Variants in PACRG observed in about 807,000 individuals in gnomAD.
PACRG encodes parkin coregulated gene protein.
PACRG carries 29 observed loss-of-function variants against 29.7 expected under a neutral mutation model. The observed-to-expected ratio is 0.98, with a 90% CI of 0.73 to 1.33. The LOEUF is 1.33. Among genes scored for constraint, PACRG ranks in the 40% most tolerant of loss-of-function variants. PACRG has a pLI of 0.00. For missense variants in PACRG, 279 were observed against 316.2 expected (o/e 0.88, Z 0.89); for synonymous variants, 116 against 118.7 (o/e 0.98, Z 0.15).
intron 2 of PACRG, among the ~76,000 whole-genome samples, chr6:162,848,104 G>A (rs1440261055): frequency 2.0e-5 from 3 of 152,148 alleles, no homozygotes; most frequent in African/African-American, 7.2e-5. Context: ...AGTTATCACC[G>A]AGCTGGAGGC....
chr6:163,189,532 G>T (rs1158023187), intron 4 of PACRG: 1 of 152,202 alleles, frequency 6.6e-6, no homozygotes, highest in African/African-American at 2.4e-5. Context: ...GAATGGCATT[G>T]CCAATTATTC....
At chr6:163,216,354 G>A (rs1460112332) in intron 4 of PACRG, among the ~76,000 whole-genome samples, 2 of 152,122 alleles carry the variant, frequency 1.3e-5, no homozygotes, top group Non-Finnish European at 2.9e-5. Flanking sequence ...CAAGGTGGAG[G>A]AACTTAGACA....
intron 2 of PACRG, among the ~76,000 whole-genome samples, chr6:163,029,079 A>G (rs1422988671): frequency 6.6e-6 from 1 of 152,180 alleles, no homozygotes; most frequent in Non-Finnish European, 1.5e-5. Flanking sequence ...TCTCAGTTAG[A>G]GAGAGGAGAT....
intron 2 of PACRG, among the ~76,000 whole-genome samples, chr6:162,959,687 G>T (rs1306371419): frequency 6.6e-6 from 1 of 152,176 alleles, no homozygotes; most frequent in Non-Finnish European, 1.5e-5. Flanking sequence ...AGGAGCAAGT[G>T]TAGGAAAAAG....
At chr6:162,789,869 G>A (rs1219537751) in intron 1 of PACRG, among the ~76,000 whole-genome samples, 2 of 152,154 alleles carry the variant, frequency 1.3e-5, no homozygotes, top group Non-Finnish European at 2.9e-5. Context: ...TCAAAGTATT[G>A]TAGTAGATCT....
intron 4 of PACRG, among the ~76,000 whole-genome samples, chr6:163,097,665 G>A (rs571748528): frequency 1.3e-4 from 20 of 152,260 alleles, no homozygotes; most frequent in East Asian, 1.9e-4. Context: ...TCAGAAGGGC[G>A]GTGGTTTACA....
intron 4 of PACRG, among the ~76,000 whole-genome samples, chr6:163,124,006 G>A (rs1311496062): frequency 6.6e-6 from 1 of 152,200 alleles, no homozygotes; most frequent in African/African-American, 2.4e-5. Flanking sequence ...ATACCCAGCA[G>A]TAAGATTGCC....
intron 1 of PACRG, among the ~76,000 whole-genome samples, chr6:162,736,711 A>C (rs1780193123): frequency 6.6e-6 from 1 of 151,922 alleles, no homozygotes; most frequent in Non-Finnish European, 1.5e-5. Flanking sequence ...CATGTTAAAA[A>C]TTATTTAGAT....
chr6:162,947,331 A>T (rs1799114381), intron 2 of PACRG, among the ~76,000 whole-genome samples: 1 of 33,248 alleles, frequency 3.0e-5, no homozygotes, highest in African/African-American at 8.1e-5. Flanking sequence ...AATACATATA[A>T]TCATATATAT....
chr6:162,784,361 G>A (rs1413425232), intron 1 of PACRG, among the ~76,000 whole-genome samples: 3 of 152,050 alleles, frequency 2.0e-5, no homozygotes, highest in Admixed American at 2.0e-4. Flanking sequence ...TTAATTTCTC[G>A]ATCTCCCTTG....
At chr6:162,930,857 G>A (rs1302770756) in intron 2 of PACRG, among the ~76,000 whole-genome samples, 2 of 151,706 alleles carry the variant, frequency 1.3e-5, no homozygotes, top group Admixed American at 1.3e-4. Context: ...TCTTGGTACT[G>A]TTAATATGAT....
At chr6:163,259,939 C>T (rs1282621508) in intron 4 of PACRG, among the ~76,000 whole-genome samples, 1 of 152,188 alleles carries the variant, frequency 6.6e-6, no homozygotes, top group Non-Finnish European at 1.5e-5. Context: ...CTGCTTCAGG[C>T]TAAGGTCCGG....
chr6:163,200,164 C>T (rs1371280620), intron 4 of PACRG, among the ~76,000 whole-genome samples: 1 of 152,040 alleles, frequency 6.6e-6, no homozygotes, highest in Non-Finnish European at 1.5e-5. Context: ...TCTTTTAGTC[C>T]TCTTTATGTA....
chr6:163,086,115 G>C (rs560433754), intron 3 of PACRG, among the ~76,000 whole-genome samples: 1 of 152,314 alleles, frequency 6.6e-6, no homozygotes, highest in South Asian at 2.1e-4. Flanking sequence ...GGTAGACTTT[G>C]AAAGAATATC....
chr6:162,852,910 A>T (rs1791047204), intron 2 of PACRG, among the ~76,000 whole-genome samples: 1 of 152,202 alleles, frequency 6.6e-6, no homozygotes, highest in African/African-American at 2.4e-5. Context: ...TGAAAGCCAA[A>T]AACTAGAAAC....
intron 2 of PACRG, among the ~76,000 whole-genome samples, chr6:162,882,267 C>G (rs1793955768): frequency 6.6e-6 from 1 of 150,448 alleles, no homozygotes; most frequent in Non-Finnish European, 1.5e-5. Flanking sequence ...GGGGCTCTCT[C>G]CACCAAGGTT....
At chr6:163,173,529 TC>T (rs1238527239) in intron 4 of PACRG, among the ~76,000 whole-genome samples, 1 of 152,200 alleles carries the variant, frequency 6.6e-6, no homozygotes, top group Non-Finnish European at 1.5e-5. Context: ...AGGTGGTTTC[TC>T]CTCTAGACCA....
At chr6:163,191,988 T>G (rs1407474431) in intron 4 of PACRG, 1 of 296,310 alleles carries the variant, frequency 3.4e-6, no homozygotes, top group East Asian at 9.0e-5. Context: ...GGGCAGTTGT[T>G]GTTGAATTGA....
At chr6:163,064,098 T>A (rs975954968) in intron 3 of PACRG, among the ~76,000 whole-genome samples, 10 of 151,816 alleles carry the variant, frequency 6.6e-5, no homozygotes, top group East Asian at 1.9e-4. Context: ...TTTTTTTTTT[T>A]AAATCAATGC....
Sources: gnomAD v4.1 joint callset for allele counts (sites outside exome capture counted in the v4.1 genomes callset) on GRCh38, gnomAD v4.1.1 for gene constraint, MANE v1.5 for transcripts, NCBI Gene and HGNC (gene_info 2026-07-23, HGNC 2026-07-21) for gene names.